Variants in YTHDC1 observed in about 807,000 individuals in gnomAD.
YTHDC1 encodes the protein YTH domain-containing protein 1.
Under a neutral mutation model 107.0 loss-of-function variants are expected in YTHDC1, and 12 were observed. The ratio of observed to expected loss-of-function variants is 0.11; its 90% CI spans 0.07 to 0.18. YTHDC1 has a LOEUF of 0.18. Ranked by LOEUF, YTHDC1 falls within the 10% of genes least tolerant of loss-of-function variation. The probability of loss-of-function intolerance (pLI) is 1.00; values close to 1 mark genes in which losing one functional copy is unlikely to be tolerated. For missense variants in YTHDC1, 635 were observed against 898.8 expected (o/e 0.71, Z 3.75); for synonymous variants, 280 against 289.5 (o/e 0.97, Z 0.33).
intron 9 of YTHDC1, among the ~76,000 whole-genome samples, chr4:68,325,121 C>T (rs1330214732): frequency 1.3e-5 from 2 of 152,120 alleles, no homozygotes; most frequent in Non-Finnish European, 2.9e-5. Flanking sequence ...ACTGTACTTA[C>T]AATACAAATG....
intron 9 of YTHDC1, among the ~76,000 whole-genome samples, chr4:68,327,408 C>T (rs1026787965): frequency 8.2e-5 from 10 of 121,282 alleles, no homozygotes; most frequent in South Asian, 3.1e-4. Flanking sequence ...CTTAATAAGT[C>T]GCTTTTTATG....
At chr4:68,323,085 T>C (rs544011625) in intron 10 of YTHDC1, among the ~76,000 whole-genome samples, 170 bp from the exon 11 acceptor site, 35 of 152,366 alleles carry the variant, frequency 2.3e-4, no homozygotes, top group African/African-American at 7.9e-4. Flanking sequence ...AAAAAGTGTT[T>C]TGTGTATTTA....
rs1360485634 is a variant in YTHDC1 at position 68,310,842 on chromosome 4, G to A, written c.*3257C>T. Reference sequence around the variant, plus strand: ...GAGGACTCTTAATGGTTAACATTATGACAAGACAGGATGTATGTGACCCTC... The same window carrying A: ...GAGGACTCTTAATGGTTAACATTATAACAAGACAGGATGTATGTGACCCTC... On this transcript the variant is annotated 3_prime_UTR_variant, in exon 17 of 17. Coordinates refer to ENST00000344157, the MANE Select transcript of YTHDC1 (RefSeq NM_001031732.4). 1 of 152,138 alleles carries A rather than the reference G, an allele frequency of 6.6e-6. No individual in the cohort carries two copies. Among genetic ancestry groups the A allele is most frequent in the Non-Finnish European group, 1.5e-5 (1 of 68,026 alleles). 9.4% of individuals were successfully genotyped at this position (152,138 alleles called of 1,614,324 possible). A position where few individuals can be genotyped will look rare whatever the true frequency, so the allele number is the denominator to read the frequency against.
At position 68,349,978 on chromosome 4, in the gene YTHDC1, G is replaced by A; in HGVS notation, c.-225C>T. The A allele has an allele frequency of 1.6e-6, 1 of 633,338 alleles. No homozygotes were observed. The highest frequency in any genetic ancestry group is 2.7e-6 in the Non-Finnish European group (1 of 366,732). 39.2% of individuals were successfully genotyped at this position (633,338 alleles called of 1,614,324 possible). ...CCAGCGGCCTAGGCCCAGCCTTCTC[G>A]TTAGGGCTCAGACTCGGGCTAGGTA... On this transcript the variant is annotated 5_prime_UTR_variant, in exon 1 of 17. In the 5' UTR this introduces an upstream ATG that the reference lacks. Coordinates refer to ENST00000344157, the MANE Select transcript of YTHDC1 (RefSeq NM_001031732.4).
At chr4:68,321,312 G>C (rs887132322) in intron 11 of YTHDC1, among the ~76,000 whole-genome samples, 1 of 152,120 alleles carries the variant, frequency 6.6e-6, no homozygotes, top group African/African-American at 2.4e-5. Context: ...AATAAAAACA[G>C]TTGCATCTAC....
Position 68,322,869 on chromosome 4 carries a change from G to A in YTHDC1, c.1481C>T (p.Pro494Leu), listed in dbSNP as rs1321801794. The A allele has an allele frequency of 6.2e-7, 1 of 1,613,824 alleles. No homozygotes were observed. The highest frequency in any genetic ancestry group is 8.5e-7 in the Non-Finnish European group (1 of 1,179,936). ...CGTQLCLLFP[P>L]DESIDLYQVI... ...CTGATACAAGTCAATACTTTCATCG[G>A]GGGGAAACAGAAGACAAAGCTGGGT... is the stretch of plus-strand genomic sequence containing the variant. The change falls in exon 11 of 17, where the codon CCC becomes CTC. Residue 494 changes from proline (P) to leucine (L), a missense_variant. Transcript: ENST00000344157. This position sits in a 1 kb window ranked among gnomAD's most constrained non-coding sequence, Gnocchi z 4.8.
chr4:68,327,724 A>C (rs1723150975), intron 9 of YTHDC1, among the ~76,000 whole-genome samples: 1 of 152,192 alleles, frequency 6.6e-6, no homozygotes, highest in South Asian at 2.1e-4. Context: ...TATTTATTAA[A>C]TTTAAATGTT....
intron 2 of YTHDC1, 90 bp downstream of exon 2, chr4:68,338,193 G>A (rs1343867567): frequency 7.4e-7 from 1 of 1,343,576 alleles, no homozygotes; most frequent in African/African-American, 1.5e-5. Context: ...CAAGGAACAA[G>A]CACAAAAAAG....
In YTHDC1 at chr4:68,349,912, T is replaced by C; in HGVS notation, c.-159A>G. 1 of 900,266 alleles carries C rather than the reference T, an allele frequency of 1.1e-6. No homozygotes were observed. Among genetic ancestry groups the C allele is most frequent in the Non-Finnish European group, 1.7e-6 (1 of 583,710 alleles). 55.8% of individuals were successfully genotyped at this position (900,266 alleles called of 1,614,324 possible). A position where few individuals can be genotyped will look rare whatever the true frequency, so the allele number is the denominator to read the frequency against. On this transcript the variant is annotated 5_prime_UTR_variant, in exon 1 of 17. Coordinates refer to ENST00000344157, the MANE Select transcript of YTHDC1 (RefSeq NM_001031732.4). ...TCTTAACACTCAGCCTTCTCGACTC[T>C]TCCCGCTTTTTCCCTTTCTCCCTTC...
At chr4:68,315,031 C>T (rs1313776762) in intron 16 of YTHDC1, among the ~76,000 whole-genome samples, 4 of 152,028 alleles carry the variant, frequency 2.6e-5, no homozygotes, top group African/African-American at 4.8e-5. Context: ...AAAATCACTA[C>T]ATAAAGATCC....
chr4:68,320,246 C>T (rs766515942), intron 11 of YTHDC1, 41 bp from the exon 12 acceptor site: 1 of 1,455,322 alleles, frequency 6.9e-7, no homozygotes, highest in Non-Finnish European at 9.4e-7. Context: ...CCAAAAACTG[C>T]TGGGAGAACA....
At chr4:68,348,519 G>A (rs1486236640) in intron 1 of YTHDC1, among the ~76,000 whole-genome samples, 2 of 146,216 alleles carry the variant, frequency 1.4e-5, no homozygotes, top group South Asian at 4.4e-4. Context: ...TTAGCATTTA[G>A]TTTAAGGATG....
At chr4:68,318,286 G>A (rs764992558) in intron 15 of YTHDC1, among the ~76,000 whole-genome samples, 3 of 152,122 alleles carry the variant, frequency 2.0e-5, no homozygotes, top group Non-Finnish European at 4.4e-5. Context: ...ATTTTTAGTA[G>A]AGACAAGGTT....
intron 1 of YTHDC1, among the ~76,000 whole-genome samples, chr4:68,348,051 C>T (rs1725645546): frequency 6.6e-6 from 1 of 152,162 alleles, no homozygotes; most frequent in Admixed American, 6.5e-5. Context: ...GGAAATGTAT[C>T]CTATGTATAG....
intron 9 of YTHDC1, among the ~76,000 whole-genome samples, chr4:68,329,412 C>T (rs1334737073): frequency 6.6e-6 from 1 of 152,172 alleles, no homozygotes; most frequent in Non-Finnish European, 1.5e-5. Flanking sequence ...TCCTTTCAGA[C>T]ACTTTTTAAC....
intron 7 of YTHDC1, among the ~76,000 whole-genome samples, chr4:68,331,539 T>G (rs1723582034): frequency 6.6e-6 from 1 of 152,166 alleles, no homozygotes; most frequent in African/African-American, 2.4e-5. Context: ...CACAAAAATG[T>G]ATTTTTGTAG....
intron 1 of YTHDC1, among the ~76,000 whole-genome samples, chr4:68,344,971 C>A (rs922182524): frequency 6.6e-6 from 1 of 152,160 alleles, no homozygotes; most frequent in African/African-American, 2.4e-5. Context: ...GTCGCGGCTG[C>A]AGTGAGCCCT....
intron 12 of YTHDC1, 84 bp downstream of exon 12, chr4:68,320,039 C>A: frequency 8.3e-7 from 1 of 1,205,006 alleles, no homozygotes. Context: ...TTTAAAACTG[C>A]AGGATTGTGA....
Position 68,336,882 on chromosome 4 carries a change from A to T in YTHDC1, c.883+145T>A, listed in dbSNP as rs28758556. The T allele has an allele frequency of 9.9e-3, 11,609 of 1,167,486 alleles. 738 individuals carry two copies. In the African/African-American group the frequency reaches 0.15, roughly 15 times the overall value. The allele number at this position is 1,167,486 out of a possible 1,614,324, so 72.3% of individuals were successfully genotyped here. On this transcript the variant is annotated intron_variant, in intron 4 of 16. Transcript: ENST00000344157. ...TATCCAAGATTATTCAAATGTATTTATAACATTCAAAAGCATATAAAGGAT... is the reference window on the plus strand; with the variant it reads ...TATCCAAGATTATTCAAATGTATTTTTAACATTCAAAAGCATATAAAGGAT...
Sources: allele counts gnomAD v4.1 joint callset (sites outside exome capture counted in the v4.1 genomes callset), GRCh38; gene constraint gnomAD v4.1.1; non-coding constraint Gnocchi (gnomAD v3.1); transcripts MANE v1.5; gene names NCBI Gene and HGNC (gene_info 2026-07-23, HGNC 2026-07-21).